The following RTL4 variants were observed in gnomAD, a reference collection of about 807,000 sequenced individuals.
RTL4 encodes the protein retrotransposon Gag like 4.
Under a neutral mutation model 5.3 loss-of-function variants are expected in RTL4, and 4 were observed. The observed-to-expected ratio is 0.75, with a 90% CI of 0.37 to 1.72. RTL4 has a LOEUF of 1.72. RTL4 is among the 40% of genes most tolerant of loss of function. The pLI, the probability that RTL4 is intolerant of heterozygous loss-of-function variation, is 0.04. For synonymous variants in RTL4, 98 were observed against 87.3 expected, an observed-to-expected ratio of 1.12 and a Z score of -0.68; for missense variants, 260 against 227.1, an observed-to-expected ratio of 1.14 and a Z score of -0.93.
the RTL4 span, among the ~76,000 whole-genome samples, chrX:112,366,079 G>A: frequency 9.0e-6 from 1 of 111,258 alleles, no homozygotes; most frequent in African/African-American, 3.3e-5. Context: ...GAGCCAGAAA[G>A]TCATCTCTCA....
chrX:112,389,471 AT>A, the RTL4 span, among the ~76,000 whole-genome samples: 1 of 110,280 alleles, frequency 9.1e-6, no homozygotes, highest in East Asian at 2.8e-4. Flanking sequence ...TGCTTATCTA[AT>A]TTTTTAGTTG....
At chrX:112,163,411 A>G in the RTL4 span, among the ~76,000 whole-genome samples, 1 of 111,393 alleles carries the variant, frequency 9.0e-6, no homozygotes, top group Non-Finnish European at 1.9e-5. Context: ...CATCTGATCA[A>G]GGGGTTGTAT....
At chrX:112,126,704 A>C in the RTL4 span, among the ~76,000 whole-genome samples, 1 of 112,108 alleles carries the variant, frequency 8.9e-6, no homozygotes, top group Non-Finnish European at 1.9e-5. Flanking sequence ...AAAAGAACTA[A>C]AACTAGAAAT....
the RTL4 span, among the ~76,000 whole-genome samples, chrX:112,142,302 A>G: frequency 0.13 from 14,915 of 112,053 alleles, 1,577 homozygotes; most frequent in African/African-American, 0.36. Flanking sequence ...TGCATGACAG[A>G]TTCCTGTCCT....
the RTL4 span, among the ~76,000 whole-genome samples, chrX:112,258,395 A>G: frequency 9.0e-6 from 1 of 111,206 alleles, no homozygotes; most frequent in Non-Finnish European, 1.9e-5. Flanking sequence ...GGGAAAATGA[A>G]TATGTGGTAA....
chrX:112,229,792 C>A, the RTL4 span, among the ~76,000 whole-genome samples: 2 of 112,071 alleles, frequency 1.8e-5, no homozygotes, highest in Non-Finnish European at 3.8e-5. Context: ...ACTGGAGGTC[C>A]ACTCCAGACC....
At chrX:112,328,142 A>G in the RTL4 span, among the ~76,000 whole-genome samples, 1 of 109,924 alleles carries the variant, frequency 9.1e-6, no homozygotes, top group African/African-American at 3.3e-5. Flanking sequence ...ACAGGATCAA[A>G]TTCACACATA....
At chrX:112,442,059 AG>A in the RTL4 span, among the ~76,000 whole-genome samples, 3 of 111,780 alleles carry the variant, frequency 2.7e-5, no homozygotes, top group African/African-American at 9.7e-5. Flanking sequence ...TAAGATGCCT[AG>A]AAAAGGCAGA....
chrX:112,204,943 C>G, the RTL4 span, among the ~76,000 whole-genome samples: 1 of 111,162 alleles, frequency 9.0e-6, no homozygotes, highest in Non-Finnish European at 1.9e-5. Flanking sequence ...CACATATGTA[C>G]GCACAACTTA....
chrX:112,329,364 C>G, the RTL4 span, among the ~76,000 whole-genome samples: 11 of 111,610 alleles, frequency 9.9e-5, no homozygotes, highest in Admixed American at 9.5e-4. Context: ...ACTACCATGA[C>G]AGAATACTAC....
chrX:112,366,319 G>A, the RTL4 span, among the ~76,000 whole-genome samples: 735 of 111,579 alleles, frequency 6.6e-3, 4 homozygotes, highest in African/African-American at 0.022. Context: ...GTAATAATTA[G>A]TATAATCACC....
chrX:112,219,146 C>A, the RTL4 span, among the ~76,000 whole-genome samples: 2 of 111,618 alleles, frequency 1.8e-5, no homozygotes, highest in Non-Finnish European at 3.8e-5. Flanking sequence ...ATCTTAACAT[C>A]ATTATAAGAA....
rs146146916 is a variant in RTL4 at position 112,455,470 on chromosome X, A to G, written c.742A>G (p.Thr248Ala). 5.8e-5 allele frequency: 70 copies of G among 1,208,860 alleles called. No individual in the cohort carries two copies. The highest frequency in any genetic ancestry group is 7.7e-5 in the Non-Finnish European group (69 of 894,943). The change falls in exon 1 of 1, where the codon ACA becomes GCA. Residue 248 changes from threonine to alanine, a missense_variant. Coordinates refer to ENST00000340433, the Ensembl canonical transcript of RTL4. Reference sequence around the variant, plus strand: ...CCAACACCAAGCCCTCTTTAGCCCCACAGATCCACCACCCAAGAAAGGGCC... The same window carrying G: ...CCAACACCAAGCCCTCTTTAGCCCCGCAGATCCACCACCCAAGAAAGGGCC...
chrX:112,381,999 A>G, the RTL4 span: 1 of 1,208,054 alleles, frequency 8.3e-7, no homozygotes. Context: ...CAGCAGTTCA[A>G]GAAGGAATTA....
the RTL4 span, among the ~76,000 whole-genome samples, chrX:112,101,747 TTAAGA>T: frequency 9.0e-6 from 1 of 111,194 alleles, no homozygotes; most frequent in East Asian, 2.8e-4. Flanking sequence ...GCAAATGTAA[TTAAGA>T]TAAGAGGAGG....
the RTL4 span, among the ~76,000 whole-genome samples, chrX:112,391,288 C>G: frequency 9.0e-6 from 1 of 111,374 alleles, no homozygotes; most frequent in African/African-American, 3.3e-5. Flanking sequence ...CTTCATTCCT[C>G]TATTTATTCT....
At chrX:112,417,926 T>A in the RTL4 span, among the ~76,000 whole-genome samples, 1 of 111,760 alleles carries the variant, frequency 8.9e-6, no homozygotes, top group Admixed American at 9.5e-5. Context: ...GGAGGGCAGA[T>A]CACTTGAGGC....
At chrX:112,196,235 T>A in the RTL4 span, among the ~76,000 whole-genome samples, 1 of 111,935 alleles carries the variant, frequency 8.9e-6, no homozygotes, top group Admixed American at 9.5e-5. Flanking sequence ...AAGGAAGTCA[T>A]GCAGTATGTA....
chrX:112,091,756 T>G, the RTL4 span, among the ~76,000 whole-genome samples: 1 of 111,229 alleles, frequency 9.0e-6, no homozygotes, highest in East Asian at 2.8e-4. Context: ...CTAGTTGGCT[T>G]ATAGCTTTCT....
Sources: gnomAD v4.1 joint callset for allele counts (sites outside exome capture counted in the v4.1 genomes callset) on GRCh38, gnomAD v4.1.1 for gene constraint, MANE v1.5 for transcripts, NCBI Gene and HGNC (gene_info 2026-07-23, HGNC 2026-07-21) for gene names.